NLRP5: variants seen among roughly 807,000 people sequenced by gnomAD.
The protein encoded by NLRP5 is NACHT, LRR and PYD domains-containing protein 5.
In NLRP5, 93 loss-of-function variants were observed where a neutral mutation model predicts 113.1. The ratio of observed to expected loss-of-function variants is 0.82; its 90% CI spans 0.70 to 0.98. The LOEUF (loss-of-function observed/expected upper bound fraction) is 0.98, where lower values mean the gene tolerates loss of function less well. Ranked by LOEUF, NLRP5 falls within the 50% of genes least tolerant of loss-of-function variation. The probability of loss-of-function intolerance (pLI) is 0.00; values close to 1 mark genes in which losing one functional copy is unlikely to be tolerated. For synonymous variants in NLRP5, 751 were observed against 600.7 expected (o/e 1.25, Z -3.66); for missense variants, 1,808 against 1,514.3 (o/e 1.19, Z -3.22).
chr19:55,997,862 C>A (rs1411810546), upstream of NLRP5, among the ~76,000 whole-genome samples: 3 of 149,136 alleles, frequency 2.0e-5, no homozygotes, highest in Admixed American at 6.7e-5. Flanking sequence ...CACTCTATCT[C>A]AAAAAAAAAA....
chr19:56,031,169 G>A (rs771751305), intron 7 of NLRP5, among the ~76,000 whole-genome samples: 19 of 152,034 alleles, frequency 1.2e-4, no homozygotes, highest in Admixed American at 7.2e-4. Context: ...TTAGGTGTAC[G>A]ATACAATATT....
In NLRP5 at chr19:56,027,751, G is replaced by A. The variant is rs551524644; in HGVS notation, c.1518G>A (p.Val506=). 14 of 1,613,778 alleles carry A rather than the reference G, an allele frequency of 8.7e-6. No homozygotes were observed. In the African/African-American group the frequency reaches 9.3e-5, roughly 11 times the overall value. Residue 506 remains valine (V), a synonymous_variant, in exon 7 of 15, where the codon GTG becomes GTA. Transcript: ENST00000390649. ...TCACAGGCCTGCACGCCGCTTTTGT[G>A]TTTCATCAGCTCACCCCTCGAGGCG... is the stretch of plus-strand genomic sequence containing the variant.
chr19:55,987,722 A>G, the NLRP5 span: 6 of 909,942 alleles, frequency 6.6e-6, no homozygotes, highest in Middle Eastern at 2.1e-4. Flanking sequence ...TACGGTCTGT[A>G]GAAAAAGCAT....
chr19:56,024,377 GTATATATAACATATATACATA>G (rs1982733402), intron 6 of NLRP5, among the ~76,000 whole-genome samples: 1 of 137,152 alleles, frequency 7.3e-6, no homozygotes, highest in Admixed American at 7.5e-5. Flanking sequence ...ATATATATGT[GTATATATAACATATATACATA>G]TATGTACATA....
Position 56,027,145 on chromosome 19 carries a change from G to A in NLRP5, c.912G>A (p.Ala304=), listed in dbSNP as rs368367207. 7.5e-6 allele frequency: 12 copies of A among 1,600,214 alleles called. No individual in the cohort carries two copies. The highest frequency in any genetic ancestry group is 4.5e-5 in the East Asian group (2 of 44,308). ...CCAGAAGGATCGTGCTGTGCTGGGC[G>A]CAAGGTGGACTCTACCAGGGAATGT... is the stretch of plus-strand genomic sequence containing the variant. Residue 304 remains alanine, a synonymous_variant, in exon 7 of 15, where the codon GCG becomes GCA. Coordinates refer to ENST00000390649, the MANE Select transcript of NLRP5 (RefSeq NM_153447.4).
intron 4 of NLRP5, among the ~76,000 whole-genome samples, chr19:56,017,844 C>A (rs1180108371): frequency 1.3e-5 from 2 of 152,222 alleles, no homozygotes; most frequent in African/African-American, 2.4e-5. Flanking sequence ...TTGTTTGTCT[C>A]ACTCTGTCTC....
intron 9 of NLRP5, among the ~76,000 whole-genome samples, chr19:56,036,979 C>T (rs1599900038): frequency 6.6e-6 from 1 of 152,078 alleles, no homozygotes; most frequent in Non-Finnish European, 1.5e-5. Context: ...ATAAAATAAA[C>T]CTGCTTCCTT....
At position 56,058,422 on chromosome 19, in the gene NLRP5, G is replaced by T. The variant is rs770595770; in HGVS notation, c.3470+12G>T. 1.2e-6 allele frequency: 2 copies of T among 1,602,614 alleles called. No homozygotes were observed. Among genetic ancestry groups the T allele is most frequent in the South Asian group, 1.1e-5 (1 of 89,824 alleles). ...TTACAGATAATTGGGTAAGTCGCCAGCAATTGTCTTCTGAGATACAGACCT... is the reference window on the plus strand; with the variant it reads ...TTACAGATAATTGGGTAAGTCGCCATCAATTGTCTTCTGAGATACAGACCT... On this transcript the variant is annotated intron_variant, in intron 14 of 14. Transcript: ENST00000390649.
intron 7 of NLRP5, among the ~76,000 whole-genome samples, 157 bp from the exon 8 acceptor site, chr19:56,032,454 A>G (rs1006993601): frequency 4.6e-5 from 7 of 151,984 alleles, no homozygotes; most frequent in African/African-American, 1.7e-4. Context: ...CGGGCTAGTC[A>G]TGCAAAGTGT....
At chr19:56,048,691 G>A (rs1270890195) in intron 11 of NLRP5, among the ~76,000 whole-genome samples, 1 of 152,062 alleles carries the variant, frequency 6.6e-6, no homozygotes, top group Non-Finnish European at 1.5e-5. Flanking sequence ...ATGACAATGT[G>A]CCTAGGTGAA....
Position 56,050,883 on chromosome 19 carries a change from CTG to C in NLRP5, c.3128+297_3128+298del, listed in dbSNP as rs541376363. Among the ~76,000 whole-genome samples, 48 of 152,280 alleles carry C rather than the reference CTG, an allele frequency of 3.2e-4. No individual in the cohort carries two copies. The East Asian group carries it at 9.1e-3, about 29-fold the overall frequency. ...CCTAAGTTCATCTTCAGCTATTTAT[CTG>C]TATGGAGAAGGGAGAGTGCTTGTCT... is the stretch of plus-strand genomic sequence containing the variant. On this transcript the variant is annotated intron_variant, in intron 12 of 14. Coordinates refer to ENST00000390649, the MANE Select transcript of NLRP5 (RefSeq NM_153447.4).
At chr19:55,987,448 G>T in the NLRP5 span, among the ~76,000 whole-genome samples, 1 of 152,204 alleles carries the variant, frequency 6.6e-6, no homozygotes, top group Admixed American at 6.5e-5. Context: ...GCATTTGGTA[G>T]GAGTCCAGAG....
the NLRP5 span, among the ~76,000 whole-genome samples, chr19:55,992,393 G>T: frequency 2.0e-5 from 3 of 152,098 alleles, no homozygotes. Flanking sequence ...ACCCAGTGAT[G>T]GGATGGCTGG....
In NLRP5 at chr19:56,036,358, C is replaced by T. The variant is rs941892727; in HGVS notation, c.2616-1667C>T. On this transcript the variant is annotated intron_variant, in intron 9 of 14. Transcript: ENST00000390649. ...CTGGGATTACAGGCTTGAGCCACTG[C>T]GCCTGGCTGAGATTCTTTCATTCAA... Among the ~76,000 whole-genome samples, 8 of 150,666 alleles carry T rather than the reference C, an allele frequency of 5.3e-5. No individual in the cohort carries two copies. The South Asian group carries it at 1.0e-3, about 20-fold the overall frequency.
rs377106127 is a variant in NLRP5 at position 56,058,304 on chromosome 19, C to T, written c.3364C>T (p.Arg1122Trp). Residue 1122 changes from arginine (R) to tryptophan (W), a missense_variant, in exon 14 of 15, where the codon CGG becomes TGG. Arg to Trp is a moderately radical substitution (Grantham distance 101). Transcript: ENST00000390649. ...ACTCTCCTTGGCCCTTTCCTGCAACCGGCATCTGACCAGTCTAAACCTGGT... is the reference window on the plus strand; with the variant it reads ...ACTCTCCTTGGCCCTTTCCTGCAACTGGCATCTGACCAGTCTAAACCTGGT... 1.4e-5 allele frequency: 22 copies of T among 1,613,904 alleles called. No homozygotes were observed. The highest frequency in any genetic ancestry group is 1.2e-4 in the African/African-American group (9 of 75,030).
chr19:56,032,811 C>T (rs73619264), intron 8 of NLRP5, 30 bp downstream of exon 8: 61,294 of 1,578,038 alleles, frequency 0.039, 1,549 homozygotes, highest in African/African-American at 0.11. Context: ...ACGAGAGAAT[C>T]CCTTCCCATG....
chr19:56,050,312 A>G (rs1983884165), intron 11 of NLRP5, 106 bp from the exon 12 acceptor site: 2 of 1,023,342 alleles, frequency 2.0e-6, no homozygotes. Context: ...ATATGACCCC[A>G]CCCTACACAG....
intron 11 of NLRP5, among the ~76,000 whole-genome samples, chr19:56,041,661 AT>A (rs1375607930): frequency 3.3e-5 from 5 of 152,128 alleles, no homozygotes; most frequent in African/African-American, 1.2e-4. Context: ...AAACAACACT[AT>A]TGCAGCGGGG....
At chr19:56,036,302 C>T (rs1261112053) in intron 9 of NLRP5, among the ~76,000 whole-genome samples, 3 of 151,728 alleles carry the variant, frequency 2.0e-5, no homozygotes, top group Non-Finnish European at 4.4e-5. Context: ...CTCCTGACCT[C>T]GTGATCTGCC....
Sources: gnomAD v4.1 joint callset for allele counts (sites outside exome capture counted in the v4.1 genomes callset) on GRCh38, gnomAD v4.1.1 for gene constraint, MANE v1.5 for transcripts, NCBI Gene and HGNC (gene_info 2026-07-23, HGNC 2026-07-21) for gene names.